CHPT1: variants seen among roughly 807,000 people sequenced by gnomAD.
CHPT1 encodes the protein cholinephosphotransferase 1.
In CHPT1, 36 loss-of-function variants were observed where a neutral mutation model predicts 47.6. The observed-to-expected ratio is 0.76, with a 90% CI of 0.58 to 1.00. The LOEUF (loss-of-function observed/expected upper bound fraction) is 1.00. CHPT1 is among the 50% of genes least tolerant of loss of function. The pLI, the probability that CHPT1 is intolerant of heterozygous loss-of-function variation, is 0.00. For synonymous variants in CHPT1, 194 were observed against 186.3 expected, an observed-to-expected ratio of 1.04 and a Z score of -0.33; for missense variants, 458 against 498.1, an observed-to-expected ratio of 0.92 and a Z score of 0.77.
intron 1 of CHPT1, among the ~76,000 whole-genome samples, chr12:101,712,392 T>C (rs1951710545): frequency 6.7e-6 from 1 of 148,790 alleles, no homozygotes; most frequent in African/African-American, 2.4e-5. Context: ...TTAAAAAATA[T>C]TTATTCTGTT....
intron 1 of CHPT1, among the ~76,000 whole-genome samples, chr12:101,704,348 T>C (rs535200317): frequency 9.2e-5 from 14 of 152,170 alleles, no homozygotes; most frequent in African/African-American, 3.4e-4. Flanking sequence ...TTTAAAAACT[T>C]AGACTCTTAC....
chr12:101,720,500 G>C (rs568858627), intron 5 of CHPT1, among the ~76,000 whole-genome samples: 1 of 152,244 alleles, frequency 6.6e-6, no homozygotes, highest in South Asian at 2.1e-4. Flanking sequence ...ACATAATTAA[G>C]AGTTGCCATT....
At position 101,723,716 on chromosome 12, in the gene CHPT1, T is replaced by C. The variant is rs541777969; in HGVS notation, c.940-6T>C. 4 of 1,489,992 alleles carry C rather than the reference T, an allele frequency of 2.7e-6. No individual in the cohort carries two copies. The highest frequency in any genetic ancestry group is 2.7e-6 in the Non-Finnish European group (3 of 1,109,102). The allele number at this position is 1,489,992 out of a possible 1,614,324, so 92.3% of individuals were successfully genotyped here. A position where few individuals can be genotyped will look rare whatever the true frequency, so the allele number is the denominator to read the frequency against. On this transcript the variant is annotated splice_polypyrimidine_tract_variant and splice_region_variant and intron_variant, in intron 6 of 8. Coordinates refer to ENST00000229266, the MANE Select transcript of CHPT1 (RefSeq NM_020244.3). ...AGTAAAATTATTTTGTTTAATTTTT[T>C]TATAGGTAGCTCACATGACCAAAAG...
At chr12:101,719,361 A>G (rs1371164027) in intron 4 of CHPT1, 3 of 376,646 alleles carry the variant, frequency 8.0e-6, no homozygotes, top group Non-Finnish European at 1.5e-5. Context: ...GGTTTTCTAA[A>G]TTTAATTATT....
At chr12:101,717,343 T>G (rs891856312) in intron 4 of CHPT1, 4 of 451,004 alleles carry the variant, frequency 8.9e-6, no homozygotes, top group African/African-American at 2.0e-5. Context: ...AATTCAAGCT[T>G]TTTTGCAAAA....
At position 101,729,036 on chromosome 12, in the gene CHPT1, C is replaced by A. The variant is rs779038445; in HGVS notation, c.*91C>A. ...GTTTAATTTTTATTTAAGTGTTATA[C>A]CTATTTCAGCAAATAAAATATTTCA... On this transcript the variant is annotated 3_prime_UTR_variant, in exon 9 of 9. Transcript: ENST00000229266. 35 of 1,609,358 alleles carry A rather than the reference C, an allele frequency of 2.2e-5. No individual in the cohort carries two copies. The highest frequency in any genetic ancestry group is 2.7e-5 in the Non-Finnish European group (32 of 1,176,474).
chr12:101,723,230 C>A lies in CHPT1; in HGVS notation c.843C>A (p.Ile281=), dbSNP rs767229639. The change falls in exon 6 of 9, where the codon ATC becomes ATA. Residue 281 remains isoleucine (I), a synonymous_variant. Transcript: ENST00000229266. ...IGLIIILAIM[I]YKKSATDVFE... ...TAATTATTATACTGGCAATAATGAT[C>A]TATAAAAAGTCAGCAACTGATGTGT... 1 of 1,611,154 alleles carries A rather than the reference C, an allele frequency of 6.2e-7. No individual in the cohort carries two copies. The highest frequency in any genetic ancestry group is 8.5e-7 in the Non-Finnish European group (1 of 1,177,610).
At chr12:101,719,673 T>G in intron 4 of CHPT1, 1 of 354,272 alleles carries the variant, frequency 2.8e-6, no homozygotes, top group South Asian at 2.4e-5. Context: ...AAATGAACTA[T>G]CCTTTTTCAT....
At chr12:101,710,201 C>T (rs1383964538) in intron 1 of CHPT1, among the ~76,000 whole-genome samples, 1 of 148,462 alleles carries the variant, frequency 6.7e-6, no homozygotes, top group Non-Finnish European at 1.5e-5. Flanking sequence ...AAAAATTTAG[C>T]TGGGTGTGGT....
chr12:101,719,955 TA>T (rs373091905), intron 4 of CHPT1, 167 bp from the exon 5 acceptor site: 40 of 300,840 alleles, frequency 1.3e-4, no homozygotes, highest in Admixed American at 1.6e-4. Flanking sequence ...AAAAAAAAGT[TA>T]AAAAAAAGTT....
intron 1 of CHPT1, among the ~76,000 whole-genome samples, chr12:101,708,220 G>T (rs1054805370): frequency 1.7e-4 from 26 of 152,104 alleles, no homozygotes; most frequent in Non-Finnish European, 4.4e-5. Context: ...ATCCTGTAAT[G>T]AATAGAATCC....
rs529113743 is a variant in CHPT1 at position 101,725,008 on chromosome 12, A to G, written c.1065+1161A>G. Among the ~76,000 whole-genome samples, 32 of 152,290 alleles carry G rather than the reference A, an allele frequency of 2.1e-4. 1 individual carries two copies. In the South Asian group the frequency reaches 6.2e-3, roughly 30 times the overall value. On this transcript the variant is annotated intron_variant, in intron 7 of 8. Coordinates refer to ENST00000229266, the MANE Select transcript of CHPT1 (RefSeq NM_020244.3). Reference sequence around the variant, plus strand: ...TCACCAAATTCATAGTGATATATAAATATACCGAAGTACACCAAAACAAAA... The same window carrying G: ...TCACCAAATTCATAGTGATATATAAGTATACCGAAGTACACCAAAACAAAA...
intron 4 of CHPT1, 21 bp downstream of exon 4, chr12:101,716,833 T>C (rs746839908): frequency 5.7e-6 from 8 of 1,413,428 alleles, no homozygotes. Context: ...ATATTTAAAT[T>C]TATATTTAAG....
intron 7 of CHPT1, among the ~76,000 whole-genome samples, chr12:101,725,629 A>AAC (rs1951930956): frequency 7.1e-6 from 1 of 139,966 alleles, no homozygotes; most frequent in Non-Finnish European, 1.6e-5. Context: ...ATGACAAAAA[A>AAC]AAAAAAAAAA....
chr12:101,723,038 C>T (rs1951880777), intron 5 of CHPT1, 130 bp from the exon 6 acceptor site: 6 of 758,552 alleles, frequency 7.9e-6, no homozygotes, highest in Non-Finnish European at 1.1e-5. Context: ...GGTTTGTATA[C>T]TCCTGTAGGC....
chr12:101,698,694 A>C (rs1034840397), intron 1 of CHPT1, among the ~76,000 whole-genome samples: 1 of 152,246 alleles, frequency 6.6e-6, no homozygotes, highest in Non-Finnish European at 1.5e-5. Context: ...CAAGAAAAAC[A>C]AACTGGAATG....
At chr12:101,704,205 C>T (rs1360502567) in intron 1 of CHPT1, among the ~76,000 whole-genome samples, 1 of 151,372 alleles carries the variant, frequency 6.6e-6, no homozygotes, top group Non-Finnish European at 1.5e-5. Context: ...TGTTTTTTTT[C>T]AGTATAAAAA....
At chr12:101,721,204 G>T (rs770321184) in intron 5 of CHPT1, among the ~76,000 whole-genome samples, 5 of 152,076 alleles carry the variant, frequency 3.3e-5, no homozygotes, top group Admixed American at 6.5e-5. Context: ...CAGGACAATT[G>T]CTTGAACCAG....
Position 101,697,687 on chromosome 12 carries a change from G to C in CHPT1, c.-175G>C, listed in dbSNP as rs1408567863. On this transcript the variant is annotated 5_prime_UTR_variant, in exon 1 of 9. Coordinates refer to ENST00000229266, the MANE Select transcript of CHPT1 (RefSeq NM_020244.3). ...GCGGCCCCACAGCTTCTGGGGCTGG[G>C]GCCCCGGCAGCCGGGCAGGCCGGCC... The C allele has an allele frequency of 5.9e-6, 1 of 169,470 alleles. No homozygotes were observed. Among genetic ancestry groups the C allele is most frequent in the Non-Finnish European group, 1.2e-5 (1 of 81,422 alleles). The allele number at this position is 169,470 out of a possible 1,614,324, so 10.5% of individuals were successfully genotyped here.
Sources: gnomAD v4.1 joint callset for allele counts (sites outside exome capture counted in the v4.1 genomes callset) on GRCh38, gnomAD v4.1.1 for gene constraint, MANE v1.5 for transcripts, NCBI Gene and HGNC (gene_info 2026-07-23, HGNC 2026-07-21) for gene names.